The following BRD3 variants were observed in gnomAD, a reference collection of about 807,000 sequenced individuals.
BRD3 encodes the protein bromodomain-containing protein 3.
BRD3 carries 17 observed loss-of-function variants against 66.8 expected under a neutral mutation model. That is an observed-to-expected ratio of 0.25 (90% confidence interval 0.17 to 0.38). The LOEUF is 0.38. BRD3 is among the 10% of genes least tolerant of loss of function. BRD3 has a pLI of 1.00. For synonymous variants in BRD3, 421 were observed against 393.2 expected (o/e 1.07, Z -0.84); for missense variants, 713 against 956.1 (o/e 0.75, Z 3.35).
At chr9:134,042,576 G>A (rs1285679144) in intron 7 of BRD3, among the ~76,000 whole-genome samples, 2 of 151,982 alleles carry the variant, frequency 1.3e-5, no homozygotes, top group African/African-American at 4.8e-5. Context: ...GGTCGAGGCT[G>A]CAGTGAGCCG....
chr9:134,060,909 G>A (rs1418472803), intron 1 of BRD3, among the ~76,000 whole-genome samples: 1 of 152,206 alleles, frequency 6.6e-6, no homozygotes, highest in African/African-American at 2.4e-5. Context: ...GGGCACAGGA[G>A]GACCTGAATG....
intron 5 of BRD3, 140 bp from the exon 6 acceptor site, chr9:134,048,594 C>G (rs1830226726): frequency 7.6e-7 from 1 of 1,313,602 alleles, no homozygotes; most frequent in Non-Finnish European, 1.0e-6. Context: ...CAGGAGAGGA[C>G]ACCAAGGCTC....
intron 1 of BRD3, among the ~76,000 whole-genome samples, chr9:134,065,018 A>T (rs554735902): frequency 6.6e-6 from 1 of 152,282 alleles, no homozygotes; most frequent in African/African-American, 2.4e-5. Context: ...GGGGTCGGGA[A>T]GGCCCAAGGC....
At chr9:134,038,915 A>C (rs919742003) in intron 9 of BRD3, among the ~76,000 whole-genome samples, 3 of 152,220 alleles carry the variant, frequency 2.0e-5, no homozygotes, top group African/African-American at 7.2e-5. Flanking sequence ...TGTATAAGAA[A>C]AATGGATTTC....
rs1843518535 is a variant in BRD3 at position 134,032,015 on chromosome 9, G to A, written c.*1575C>T. ...CTGGGGAGGGCAGACAGGCTCGGGA[G>A]GGCCTGGCCAGGCCACTGGAGGCTG... On this transcript the variant is annotated 3_prime_UTR_variant, in exon 12 of 12. Coordinates refer to ENST00000303407, the MANE Select transcript of BRD3 (RefSeq NM_007371.4). The A allele has an allele frequency of 4.6e-6, 1 of 217,020 alleles. No individual in the cohort carries two copies. The highest frequency in any genetic ancestry group is 1.8e-4 in the South Asian group (1 of 5,414). 13.4% of individuals were successfully genotyped at this position (217,020 alleles called of 1,614,324 possible).
intron 1 of BRD3, among the ~76,000 whole-genome samples, chr9:134,063,539 T>G (rs1296078830): frequency 1.3e-5 from 2 of 152,218 alleles, no homozygotes; most frequent in Non-Finnish European, 2.9e-5. Flanking sequence ...TTCTTCCTTC[T>G]GCCACATGAC....
chr9:134,058,370 G>A (rs931323112), intron 1 of BRD3: 2 of 152,326 alleles, frequency 1.3e-5, no homozygotes, highest in African/African-American at 4.8e-5. Context: ...TGGACGAACA[G>A]AGGTAACATT....
At position 134,050,410 on chromosome 9, in the gene BRD3, G is replaced by A. The variant is rs137934214; in HGVS notation, c.678C>T (p.Ile226=). The change falls in exon 5 of 12, where the codon ATC becomes ATT. Residue 226 remains isoleucine, a synonymous_variant. Transcript: ENST00000303407. The part of the protein sequence containing the change: ...AAAPPPPATP[I]VPVVPPTPPV... ...GCGGCGTAGGAGGGACCACGGGGAC[G>A]ATGGGTGTGGCAGGAGGAGGTGGGG... 367 of 1,612,096 alleles carry A rather than the reference G, an allele frequency of 2.3e-4. No homozygotes were observed. Among genetic ancestry groups the A allele is most frequent in the Non-Finnish European group, 2.9e-4 (344 of 1,179,654 alleles).
Position 134,067,598 on chromosome 9 carries a change from G to GGCGCGGGGC in BRD3, c.-114+338_-114+346dup, listed in dbSNP as rs1489191145. On this transcript the variant is annotated intron_variant, in intron 1 of 11. Coordinates refer to ENST00000303407, the MANE Select transcript of BRD3 (RefSeq NM_007371.4). ...AGGGAGGGCGCGCGGAGGCCGGGCTGGCGCGGGGCGCGCGGGCCGCGCCAA... is the reference window on the plus strand; with the variant it reads ...AGGGAGGGCGCGCGGAGGCCGGGCTGGCGCGGGGCGCGCGGGGCGCGCGGGCCGCGCCAA... Among the ~76,000 whole-genome samples the GGCGCGGGGC allele has an allele frequency of 3.4e-5, 5 of 146,828 alleles. No individual in the cohort carries two copies. In the East Asian group the frequency reaches 7.9e-4, roughly 23 times the overall value.
chr9:134,051,890 T>TGTGTGTGTGTGTG (rs1564555926), intron 3 of BRD3, among the ~76,000 whole-genome samples, 181 bp from the exon 4 acceptor site: 1 of 89,888 alleles, frequency 1.1e-5, no homozygotes, highest in African/African-American at 6.3e-5. Context: ...GTTTTTTTTG[T>TGTGTGTGTGTGTG]TTTTTTTTTT....
intron 1 of BRD3, among the ~76,000 whole-genome samples, chr9:134,056,232 C>T (rs977705577): frequency 6.6e-6 from 1 of 152,244 alleles, no homozygotes; most frequent in African/African-American, 2.4e-5. Context: ...CATGTGCTCA[C>T]TGAATGCCAG....
chr9:134,041,299 A>G (rs1309244876), intron 8 of BRD3, among the ~76,000 whole-genome samples: 1 of 152,202 alleles, frequency 6.6e-6, no homozygotes, highest in African/African-American at 2.4e-5. Flanking sequence ...AAACGAGGAA[A>G]GCAGAGAAGG....
intron 3 of BRD3, 116 bp downstream of exon 3, chr9:134,052,190 G>A (rs1251486128): frequency 7.4e-7 from 1 of 1,350,064 alleles, no homozygotes; most frequent in Non-Finnish European, 1.0e-6. Flanking sequence ...ACGGCACCCA[G>A]CCAGGTGAAG....
chr9:134,038,692 G>T (rs1001326760), intron 9 of BRD3, among the ~76,000 whole-genome samples: 3 of 152,138 alleles, frequency 2.0e-5, no homozygotes, highest in African/African-American at 7.2e-5. Context: ...TCCAAAATCT[G>T]AAACTGTCTG....
intron 1 of BRD3, among the ~76,000 whole-genome samples, chr9:134,056,349 GC>G (rs1174687566): frequency 2.0e-5 from 3 of 152,202 alleles, no homozygotes; most frequent in Non-Finnish European, 4.4e-5. Context: ...AGTATAAAAA[GC>G]CCCTGGCACA....
At chr9:134,067,613 G>A (rs1209953449) in intron 1 of BRD3, among the ~76,000 whole-genome samples, 19 of 146,768 alleles carry the variant, frequency 1.3e-4, no homozygotes, top group Middle Eastern at 3.4e-3. Context: ...GGGGCGCGCG[G>A]GCCGCGCCAA....
rs778306761 is a variant in BRD3, at chr9:134,053,456, C to T, written c.22G>A (p.Ala8Thr). 4 of 1,604,502 alleles carry T rather than the reference C, an allele frequency of 2.5e-6. No individual in the cohort carries two copies. The highest frequency in any genetic ancestry group is 2.5e-6 in the Non-Finnish European group (3 of 1,177,260). The change falls in exon 2 of 12, where the codon GCC becomes ACC. Residue 8 changes from alanine (A) to threonine (T), a missense_variant. Physicochemically the swap from Ala to Thr is moderately conservative, Grantham distance 58. Transcript: ENST00000303407. ...GGGGTCGCCGGGATCCCCGCGGGGG[C>T]GACTGTCGTGGCGGTGGACATCCTC... Reference protein sequence around the residue: MSTATTVAPAGIPATPGP... With the variant: MSTATTVTPAGIPATPGP...
Position 134,037,526 on chromosome 9 carries a change from G to A in BRD3, c.1644-1202C>T, listed in dbSNP as rs530026139. ...GCGGAGGTTGCAGTGAGCCGAGATC[G>A]TGCCACTGCACTCCAGCCTAGGCAA... On this transcript the variant is annotated intron_variant, in intron 9 of 11. Coordinates refer to ENST00000303407, the MANE Select transcript of BRD3 (RefSeq NM_007371.4). Among the ~76,000 whole-genome samples the A allele has an allele frequency of 1.6e-4, 25 of 152,064 alleles. No homozygotes were observed. In the East Asian group the frequency reaches 3.1e-3, roughly 19 times the overall value.
At chr9:134,051,868 TGTGTGTGTGTTGTTTTTTTTG>T (rs1468641782) in intron 3 of BRD3, among the ~76,000 whole-genome samples, 159 bp from the exon 4 acceptor site, 1 of 113,980 alleles carries the variant, frequency 8.8e-6, no homozygotes, top group African/African-American at 4.0e-5. Context: ...TGTGTGTGTG[TGTGTGTGTGTTGTTTTTTTTG>T]TTTTTTTTTT....
Sources: gnomAD v4.1 joint callset for allele counts (sites outside exome capture counted in the v4.1 genomes callset) on GRCh38, gnomAD v4.1.1 for gene constraint, MANE v1.5 for transcripts, NCBI Gene and HGNC (gene_info 2026-07-23, HGNC 2026-07-21) for gene names.